Variants in DSCAM observed in about 807,000 individuals in gnomAD.
DSCAM encodes the protein DS cell adhesion molecule, also known as cell adhesion molecule DSCAM.
DSCAM carries 47 observed loss-of-function variants against 217.7 expected under a neutral mutation model. The ratio of observed to expected loss-of-function variants is 0.22; its 90% CI spans 0.17 to 0.28. DSCAM has a LOEUF of 0.28. Among genes scored for constraint, DSCAM ranks in the 10% least tolerant of loss-of-function variants. The pLI is 1.00. For synonymous variants in DSCAM, 1,056 were observed against 1,015.3 expected (o/e 1.04, Z -0.76); for missense variants, 2,080 against 2,618.3 (o/e 0.79, Z 4.49).
chr21:40,435,275 T>C (rs546047536), intron 3 of DSCAM, among the ~76,000 whole-genome samples: 1 of 152,362 alleles, frequency 6.6e-6, no homozygotes, highest in East Asian at 1.9e-4. Flanking sequence ...GCCTTGTTGC[T>C]AGATGATTTA....
At chr21:40,321,245 C>G (rs116747302) in intron 8 of DSCAM, among the ~76,000 whole-genome samples, 2 of 152,140 alleles carry the variant, frequency 1.3e-5, no homozygotes, top group African/African-American at 4.8e-5. Context: ...GACTCCTAAT[C>G]TAAATTTTCA....
intron 9 of DSCAM, among the ~76,000 whole-genome samples, chr21:40,303,303 G>T (rs1264878061): frequency 6.6e-6 from 1 of 152,026 alleles, no homozygotes; most frequent in Admixed American, 6.6e-5. Context: ...TTGCTGGGCT[G>T]TGAACACACA....
At chr21:40,158,365 G>A (rs1278987175) in intron 16 of DSCAM, among the ~76,000 whole-genome samples, 2 of 152,066 alleles carry the variant, frequency 1.3e-5, no homozygotes, top group African/African-American at 2.4e-5. Flanking sequence ...ACTGCATTCA[G>A]CCTGGGTGGT....
Position 40,116,277 on chromosome 21 carries a change from C to T in DSCAM, c.3696+7918G>A, listed in dbSNP as rs369579150. Among the ~76,000 whole-genome samples the T allele has an allele frequency of 8.5e-5, 13 of 152,124 alleles. No homozygotes were observed. The East Asian group carries it at 1.9e-3, about 23-fold the overall frequency. ...ACAAACTTTTGTGACACAAGTTTAC[C>T]TATATAAGAAATCTGCACGTTACCC... On this transcript the variant is annotated intron_variant, in intron 20 of 32. Coordinates refer to ENST00000400454, the MANE Select transcript of DSCAM (RefSeq NM_001389.5).
chr21:40,711,006 A>G (rs1282224818), intron 1 of DSCAM, among the ~76,000 whole-genome samples: 1 of 149,844 alleles, frequency 6.7e-6, no homozygotes, highest in Non-Finnish European at 1.5e-5. Context: ...GGAGATTCAC[A>G]GGGCTGTCAC....
intron 19 of DSCAM, among the ~76,000 whole-genome samples, chr21:40,127,242 T>G (rs2090103971): frequency 6.6e-6 from 1 of 152,214 alleles, no homozygotes; most frequent in Admixed American, 6.5e-5. Flanking sequence ...CCTTGGATTA[T>G]ATGTCACTAA....
intron 9 of DSCAM, among the ~76,000 whole-genome samples, chr21:40,301,604 T>G (rs2074015215): frequency 6.6e-6 from 1 of 152,214 alleles, no homozygotes; most frequent in Non-Finnish European, 1.5e-5. Flanking sequence ...ATAGCCTTTA[T>G]TACGCTCATC....
chr21:40,761,463 A>G (rs1409859322), intron 1 of DSCAM, among the ~76,000 whole-genome samples: 3 of 150,414 alleles, frequency 2.0e-5, no homozygotes, highest in Non-Finnish European at 4.4e-5. Context: ...TGTGTACTAC[A>G]GGGAGAACAT....
chr21:40,269,235 G>A (rs931514100), intron 11 of DSCAM, among the ~76,000 whole-genome samples: 1 of 152,142 alleles, frequency 6.6e-6, no homozygotes, highest in African/African-American at 2.4e-5. Flanking sequence ...GACATCATGG[G>A]GTCAAGAATT....
chr21:40,537,783 C>G (rs934746148), intron 3 of DSCAM, among the ~76,000 whole-genome samples: 12 of 152,148 alleles, frequency 7.9e-5, no homozygotes, highest in African/African-American at 2.9e-4. Context: ...CAGAGGGAAC[C>G]AGCCCTGCTG....
chr21:40,037,912 G>A (rs1469193914), intron 32 of DSCAM, among the ~76,000 whole-genome samples: 1 of 147,854 alleles, frequency 6.8e-6, no homozygotes, highest in Non-Finnish European at 1.5e-5. Context: ...AACAAGCAAT[G>A]GGGAAAGGAT....
At chr21:40,356,292 G>T (rs2074691975) in intron 4 of DSCAM, among the ~76,000 whole-genome samples, 1 of 151,656 alleles carries the variant, frequency 6.6e-6, no homozygotes, top group African/African-American at 2.4e-5. Context: ...AAAGACAGTT[G>T]ATCTTAAACA....
intron 3 of DSCAM, among the ~76,000 whole-genome samples, chr21:40,382,758 T>C (rs2075040074): frequency 6.6e-6 from 1 of 152,204 alleles, no homozygotes; most frequent in Admixed American, 6.5e-5. Context: ...CCTTGCACTG[T>C]GAGAGTAACT....
intron 8 of DSCAM, among the ~76,000 whole-genome samples, chr21:40,328,110 C>G (rs1018321678): frequency 6.6e-6 from 1 of 151,828 alleles, no homozygotes; most frequent in Non-Finnish European, 1.5e-5. Context: ...ACCAAAATAC[C>G]AATGACATTT....
At chr21:40,585,089 T>C (rs1601766275) in intron 3 of DSCAM, among the ~76,000 whole-genome samples, 1 of 151,844 alleles carries the variant, frequency 6.6e-6, no homozygotes, top group African/African-American at 2.4e-5. Context: ...TCACCACAAG[T>C]AGAAGCTTCC....
At position 40,708,673 on chromosome 21, in the gene DSCAM, C is replaced by G. The variant is rs371827934; in HGVS notation, c.142G>C (p.Ala48Pro). The G allele has an allele frequency of 6.2e-7, 1 of 1,612,820 alleles. No individual in the cohort carries two copies. Residue 48 changes from alanine to proline, a missense_variant, in exon 2 of 33, where the codon GCA becomes CCA. Transcript: ENST00000400454. The part of the protein sequence containing the change: ...STTGTLVPCP[A>P]AGIPPVTLRW... ...AGAGTCACAGGAGGGATGCCTGCTG[C>G]GGGGCAGGGCACCAGAGTCCCCGTG...
intron 9 of DSCAM, among the ~76,000 whole-genome samples, chr21:40,300,529 G>C (rs2074003658): frequency 6.6e-6 from 1 of 152,180 alleles, no homozygotes; most frequent in Admixed American, 6.5e-5. Flanking sequence ...ACTGCACTAA[G>C]GGGATGCGGC....
intron 3 of DSCAM, among the ~76,000 whole-genome samples, chr21:40,564,047 A>C (rs187837669): frequency 6.6e-6 from 1 of 152,274 alleles, no homozygotes; most frequent in Admixed American, 6.6e-5. Context: ...CTTCCCGCCC[A>C]TCTGAGAGAT....
At chr21:40,427,588 C>T (rs1018503873) in intron 3 of DSCAM, among the ~76,000 whole-genome samples, 2 of 152,198 alleles carry the variant, frequency 1.3e-5, no homozygotes, top group Non-Finnish European at 2.9e-5. Context: ...GTGAATGAAA[C>T]CTCAGCTCCC....
Sources: allele counts gnomAD v4.1 joint callset (sites outside exome capture counted in the v4.1 genomes callset), GRCh38; gene constraint gnomAD v4.1.1; transcripts MANE v1.5; gene names NCBI Gene and HGNC (gene_info 2026-07-23, HGNC 2026-07-21).